NDUFA12: variants seen among roughly 807,000 people sequenced by gnomAD.
NDUFA12 encodes the protein NADH:ubiquinone oxidoreductase subunit A12, also known as NADH dehydrogenase [ubiquinone] 1 alpha subcomplex subunit 12.
In NDUFA12, 17 loss-of-function variants were observed where a neutral mutation model predicts 20.3. The ratio of observed to expected loss-of-function variants is 0.84; its 90% CI spans 0.57 to 1.26. The LOEUF (loss-of-function observed/expected upper bound fraction) is 1.26. Ranked by LOEUF, NDUFA12 falls within the 50% of genes most tolerant of loss-of-function variation. The pLI is 0.00. For synonymous variants in NDUFA12, 72 were observed against 63.6 expected, an observed-to-expected ratio of 1.13 and a Z score of -0.63; for missense variants, 191 against 183.7, an observed-to-expected ratio of 1.04 and a Z score of -0.23.
chr12:94,971,748 C>G (rs1396716862), intron 3 of NDUFA12, 128 bp from the exon 4 acceptor site: 6 of 994,886 alleles, frequency 6.0e-6, no homozygotes, highest in Non-Finnish European at 9.7e-6. Flanking sequence ...CAGTTACTAG[C>G]TGAATTCTTC....
At chr12:94,995,263 A>G (rs1874783306) in intron 2 of NDUFA12, among the ~76,000 whole-genome samples, 1 of 152,246 alleles carries the variant, frequency 6.6e-6, no homozygotes, top group Non-Finnish European at 1.5e-5. Context: ...TACAGATTTC[A>G]ATCAACATTT....
intron 3 of NDUFA12, among the ~76,000 whole-genome samples, chr12:94,982,988 G>C: frequency 6.6e-6 from 1 of 151,852 alleles, no homozygotes; most frequent in East Asian, 1.9e-4. Context: ...TCAATCTCTA[G>C]CCTAACCAAC....
intron 3 of NDUFA12, chr12:94,972,255 C>T (rs941587567): frequency 3.5e-6 from 1 of 287,870 alleles, no homozygotes; most frequent in Admixed American, 4.1e-5. Flanking sequence ...AAATCTGACA[C>T]TATCCATTTT....
At chr12:94,981,837 G>A (rs2136062360) in intron 3 of NDUFA12, among the ~76,000 whole-genome samples, 1 of 152,280 alleles carries the variant, frequency 6.6e-6, no homozygotes, top group East Asian at 1.9e-4. Flanking sequence ...TAGCTCAACT[G>A]CCCATCCAAG....
At chr12:94,992,038 T>A (rs1368559290) in intron 3 of NDUFA12, among the ~76,000 whole-genome samples, 1 of 152,178 alleles carries the variant, frequency 6.6e-6, no homozygotes, top group African/African-American at 2.4e-5. Flanking sequence ...CAAAACTAGC[T>A]CTGATGATCA....
intron 2 of NDUFA12, among the ~76,000 whole-genome samples, chr12:94,998,652 G>A (rs533155008): frequency 6.6e-6 from 1 of 152,258 alleles, no homozygotes; most frequent in African/African-American, 2.4e-5. Flanking sequence ...CTAAATCAAT[G>A]TATACAAATC....
intron 2 of NDUFA12, among the ~76,000 whole-genome samples, chr12:94,995,760 C>A (rs1384223223): frequency 6.6e-6 from 1 of 152,064 alleles, no homozygotes; most frequent in Admixed American, 6.6e-5. Flanking sequence ...AATGTAGTTA[C>A]AAGCAGGTTT....
chr12:95,000,805 T>C (rs985255993), intron 2 of NDUFA12, among the ~76,000 whole-genome samples: 7 of 152,236 alleles, frequency 4.6e-5, no homozygotes, highest in Non-Finnish European at 1.0e-4. Context: ...GGAATTTTTT[T>C]ATATTACACA....
chr12:95,003,571 A>G, intron 1 of NDUFA12, 24 bp downstream of exon 1: 3 of 1,613,190 alleles, frequency 1.9e-6, no homozygotes, highest in Non-Finnish European at 2.5e-6. Context: ...CCCAGAGGCC[A>G]AGAGCATGGC....
intron 3 of NDUFA12, among the ~76,000 whole-genome samples, chr12:94,987,102 G>A (rs1405322766): frequency 1.3e-5 from 2 of 152,224 alleles, no homozygotes; most frequent in Non-Finnish European, 2.9e-5. Flanking sequence ...CCTTAATCAC[G>A]TGATAGAGGT....
intron 2 of NDUFA12, among the ~76,000 whole-genome samples, chr12:94,998,583 T>TA (rs933811126): frequency 3.2e-4 from 49 of 152,114 alleles, no homozygotes; most frequent in African/African-American, 1.1e-3. Context: ...TAGAAAAACT[T>TA]AAAGACCATC....
At chr12:94,987,672 A>G (rs755327107) in intron 3 of NDUFA12, among the ~76,000 whole-genome samples, 41 of 151,910 alleles carry the variant, frequency 2.7e-4, no homozygotes, top group Middle Eastern at 3.4e-3. Flanking sequence ...GTAGTGGCAC[A>G]TGCCTGTAAT....
At chr12:94,992,947 A>T (rs1022317453) in intron 3 of NDUFA12, among the ~76,000 whole-genome samples, 1 of 152,258 alleles carries the variant, frequency 6.6e-6, no homozygotes, top group Non-Finnish European at 1.5e-5. Flanking sequence ...ATTTAAGGGT[A>T]ACTTATTATG....
chr12:94,975,733 G>A (rs537794522), intron 3 of NDUFA12, among the ~76,000 whole-genome samples: 2 of 152,128 alleles, frequency 1.3e-5, no homozygotes, highest in Non-Finnish European at 2.9e-5. Context: ...GAAGACTAAG[G>A]CATTATTAAC....
chr12:94,973,973 T>G (rs1372729034), intron 3 of NDUFA12, among the ~76,000 whole-genome samples: 3 of 145,914 alleles, frequency 2.1e-5, no homozygotes, highest in Admixed American at 1.4e-4. Context: ...TGGGTCTTTT[T>G]TTTTTTTTTT....
chr12:94,971,919 T>TTTTC (rs1166959353), intron 3 of NDUFA12: 8 of 497,330 alleles, frequency 1.6e-5, no homozygotes, highest in Non-Finnish European at 2.6e-5. Flanking sequence ...TTTTTCTTCG[T>TTTTC]TTTCTTTCTT....
In NDUFA12 at chr12:94,973,763, T is replaced by A. The variant is rs1161226602; in HGVS notation, c.258-2143A>T. ...CTGAAAATATTTATCCTAGCAAGCC[T>A]ACATGCAAGAATCAGGGAATTAATA... On this transcript the variant is annotated intron_variant, in intron 3 of 3. Coordinates refer to ENST00000327772, the MANE Select transcript of NDUFA12 (RefSeq NM_018838.5). Among the ~76,000 whole-genome samples the A allele has an allele frequency of 3.3e-5, 5 of 152,224 alleles. No individual in the cohort carries two copies. In the East Asian group the frequency reaches 9.6e-4, roughly 29 times the overall value.
intron 2 of NDUFA12, among the ~76,000 whole-genome samples, chr12:94,998,342 A>C (rs1874906395): frequency 6.6e-6 from 1 of 152,176 alleles, no homozygotes. Context: ...AAAGTAAAAA[A>C]AGCCATATAT....
chr12:94,989,598 A>G (rs1874568708), intron 3 of NDUFA12, among the ~76,000 whole-genome samples: 1 of 152,188 alleles, frequency 6.6e-6, no homozygotes, highest in Non-Finnish European at 1.5e-5. Flanking sequence ...CATACAAATA[A>G]GGGTCATCAA....
Sources: gnomAD v4.1 joint callset for allele counts (sites outside exome capture counted in the v4.1 genomes callset) on GRCh38, gnomAD v4.1.1 for gene constraint, MANE v1.5 for transcripts, NCBI Gene and HGNC (gene_info 2026-07-23, HGNC 2026-07-21) for gene names.